The following FUT8 variants were observed in gnomAD, a reference collection of about 807,000 sequenced individuals.
The protein encoded by FUT8 is alpha-(1,6)-fucosyltransferase.
A neutral mutation model predicts 71.3 loss-of-function variants in FUT8; 29 were observed. The ratio of observed to expected loss-of-function variants is 0.41; its 90% CI spans 0.30 to 0.55. The LOEUF (loss-of-function observed/expected upper bound fraction) is 0.55. FUT8 is among the 20% of genes least tolerant of loss of function. The pLI, the probability that FUT8 is intolerant of heterozygous loss-of-function variation, is 0.34. For missense variants in FUT8, 544 were observed against 702.1 expected (o/e 0.77, Z 2.55); for synonymous variants, 254 against 239.3 (o/e 1.06, Z -0.57).
chr14:65,470,876 C>T (rs112906259), intron 2 of FUT8, among the ~76,000 whole-genome samples: 2 of 151,988 alleles, frequency 1.3e-5, no homozygotes, highest in African/African-American at 4.8e-5. Context: ...GCACAGAGGG[C>T]GGCGGGCTGT....
chr14:65,679,305 A>G (rs1185237814), intron 7 of FUT8, among the ~76,000 whole-genome samples: 2 of 152,224 alleles, frequency 1.3e-5, no homozygotes, highest in Admixed American at 6.5e-5. Flanking sequence ...GATTAGATCC[A>G]GTACCAACCA....
At chr14:65,411,709 C>A, upstream of FUT8, 1 of 276,656 alleles carries the variant, frequency 3.6e-6, no homozygotes, top group Middle Eastern at 1.4e-3. Flanking sequence ...TTCGCTCTCC[C>A]ACCGTAAAGC....
At chr14:65,423,100 C>T (rs997466096) in intron 1 of FUT8, among the ~76,000 whole-genome samples, 5 of 151,180 alleles carry the variant, frequency 3.3e-5, no homozygotes, top group Admixed American at 2.6e-4. Context: ...ATTCTTCTGC[C>T]TCAGCCTCCT....
intron 5 of FUT8, chr14:65,617,001 T>C: frequency 1.4e-6 from 2 of 1,415,292 alleles, no homozygotes; most frequent in South Asian, 1.4e-5. Flanking sequence ...GTTGTATTCA[T>C]GCAGAACAAA....
intron 2 of FUT8, among the ~76,000 whole-genome samples, chr14:65,471,986 A>T (rs2066154745): frequency 6.6e-6 from 1 of 152,204 alleles, no homozygotes; most frequent in African/African-American, 2.4e-5. Flanking sequence ...AGAAAGATTA[A>T]AAAACTTCTC....
chr14:65,676,211 G>A (rs990825156), intron 7 of FUT8, among the ~76,000 whole-genome samples: 6 of 152,172 alleles, frequency 3.9e-5, no homozygotes, highest in South Asian at 2.1e-4. Flanking sequence ...TGAGTTCAGA[G>A]ATAAAAGGAC....
In FUT8 at chr14:65,543,960, A is replaced by T. The variant is rs761547066; in HGVS notation, c.-227-17377A>T. Among the ~76,000 whole-genome samples, 11 of 152,326 alleles carry T rather than the reference A, an allele frequency of 7.2e-5. No individual in the cohort carries two copies. The Middle Eastern group carries it at 0.01, about 141-fold the overall frequency. On this transcript the variant is annotated intron_variant, in intron 2 of 10. Coordinates refer to ENST00000673929, the MANE Select transcript of FUT8 (RefSeq NM_001371533.1). ...AAAGGGATTTTTCACAGTTTCATTG[A>T]ACCCCATTGAATTAGCTTTTTTGCT...
chr14:65,654,064 T>G (rs918313290), intron 6 of FUT8, among the ~76,000 whole-genome samples: 3 of 152,228 alleles, frequency 2.0e-5, no homozygotes, highest in Non-Finnish European at 4.4e-5. Context: ...TTGCCTAATC[T>G]TCTCCTGTTG....
chr14:65,424,539 C>CTT lies in FUT8; in HGVS notation c.-326+11342_-326+11343dup, dbSNP rs796843891. ...TTACTTTCTATTTTTCTTTTCTTTT[C>CTT]TTTTTTTTTTTTTTTTTTGATGAAG... is the stretch of plus-strand genomic sequence containing the variant. On this transcript the variant is annotated intron_variant, in intron 1 of 10. Coordinates refer to ENST00000673929, the MANE Select transcript of FUT8 (RefSeq NM_001371533.1). Among the ~76,000 whole-genome samples the CTT allele has an allele frequency of 9.9e-4, 124 of 125,414 alleles. 2 individuals are homozygous for CTT. The highest frequency in any genetic ancestry group is 8.0e-3 in the South Asian group (31 of 3,854). 82.3% of individuals were successfully genotyped at this position (125,414 alleles called of 152,430 possible). A position where few individuals can be genotyped will look rare whatever the true frequency, so the allele number is the denominator to read the frequency against.
intron 8 of FUT8, among the ~76,000 whole-genome samples, chr14:65,722,670 T>C (rs1281917752): frequency 1.3e-5 from 2 of 152,188 alleles, no homozygotes; most frequent in Non-Finnish European, 2.9e-5. Flanking sequence ...TAGAGCCCAC[T>C]GAACAATTCC....
intron 2 of FUT8, chr14:65,457,967 G>C (rs534851202): frequency 2.0e-5 from 3 of 152,182 alleles, no homozygotes; most frequent in African/African-American, 7.2e-5. Flanking sequence ...CGGATCACGA[G>C]GTCAGGAGAT....
chr14:65,560,254 T>C (rs1885838774), intron 2 of FUT8, among the ~76,000 whole-genome samples: 2 of 152,188 alleles, frequency 1.3e-5, no homozygotes, highest in South Asian at 4.1e-4. Flanking sequence ...CTATTTCTTG[T>C]TTTTTCTCTC....
At chr14:65,558,091 G>A (rs1334244130) in intron 2 of FUT8, among the ~76,000 whole-genome samples, 1 of 151,952 alleles carries the variant, frequency 6.6e-6, no homozygotes, top group Non-Finnish European at 1.5e-5. Flanking sequence ...TACACTTTGG[G>A]AGGCTGAGGC....
At chr14:65,578,998 C>T (rs1188229933) in intron 3 of FUT8, among the ~76,000 whole-genome samples, 2 of 152,030 alleles carry the variant, frequency 1.3e-5, no homozygotes, top group Non-Finnish European at 2.9e-5. Context: ...AACTGAGGTA[C>T]ATTTAATGAA....
At chr14:65,617,217 T>G in intron 5 of FUT8, 3 of 1,504,462 alleles carry the variant, frequency 2.0e-6, no homozygotes, top group Non-Finnish European at 2.6e-6. Context: ...TTTATTAACA[T>G]CAGCAGCAAT....
intron 6 of FUT8, among the ~76,000 whole-genome samples, chr14:65,632,560 T>C (rs901490787): frequency 1.3e-5 from 2 of 152,202 alleles, no homozygotes. Context: ...AGCCCACTTT[T>C]TGGTGGGATT....
At chr14:65,619,847 C>T (rs973769823) in intron 5 of FUT8, among the ~76,000 whole-genome samples, 4 of 152,252 alleles carry the variant, frequency 2.6e-5, no homozygotes, top group Non-Finnish European at 5.9e-5. Flanking sequence ...CATGAATTGA[C>T]CCTAGCCTAC....
At chr14:65,601,827 A>G (rs933225276) in intron 3 of FUT8, among the ~76,000 whole-genome samples, 1 of 152,114 alleles carries the variant, frequency 6.6e-6, no homozygotes, top group African/African-American at 2.4e-5. Context: ...GAGTACTTCA[A>G]ATATATATGT....
chr14:65,544,385 T>C (rs1182701547), intron 2 of FUT8, among the ~76,000 whole-genome samples: 2 of 152,214 alleles, frequency 1.3e-5, no homozygotes, highest in Admixed American at 6.5e-5. Flanking sequence ...GTGATTGATT[T>C]GAAATGGTTG....
Sources: gnomAD v4.1 joint callset for allele counts (sites outside exome capture counted in the v4.1 genomes callset) on GRCh38, gnomAD v4.1.1 for gene constraint, MANE v1.5 for transcripts, NCBI Gene and HGNC (gene_info 2026-07-23, HGNC 2026-07-21) for gene names.